The following CNTNAP5 variants were observed in gnomAD, a reference collection of about 807,000 sequenced individuals.
The protein encoded by CNTNAP5 is contactin associated protein family member 5.
Under a neutral mutation model 150.2 loss-of-function variants are expected in CNTNAP5, and 72 were observed. The ratio of observed to expected loss-of-function variants is 0.48; its 90% CI spans 0.40 to 0.58. The LOEUF (loss-of-function observed/expected upper bound fraction) is 0.58, where lower values mean the gene tolerates loss of function less well. Ranked by LOEUF, CNTNAP5 falls within the 20% of genes least tolerant of loss-of-function variation. The pLI is 0.00. For synonymous variants in CNTNAP5, 672 were observed against 619.8 expected, an observed-to-expected ratio of 1.08 and a Z score of -1.25; for missense variants, 1,636 against 1,626.2, an observed-to-expected ratio of 1.01 and a Z score of -0.10.
chr2:124,042,824 A>G (rs1681418224), intron 1 of CNTNAP5, among the ~76,000 whole-genome samples: 1 of 149,694 alleles, frequency 6.7e-6, no homozygotes, highest in Non-Finnish European at 1.5e-5. Flanking sequence ...CTATCTATCT[A>G]TCTATCATCT....
intron 12 of CNTNAP5, 147 bp from the exon 13 acceptor site, chr2:124,647,611 G>A (rs1328182618): frequency 6.1e-6 from 4 of 651,386 alleles, no homozygotes; most frequent in African/African-American, 1.8e-5. Flanking sequence ...AGCTCCATGG[G>A]GAAACACAAT....
At chr2:124,697,193 A>T (rs1232130829) in intron 13 of CNTNAP5, among the ~76,000 whole-genome samples, 1 of 152,152 alleles carries the variant, frequency 6.6e-6, no homozygotes, top group Non-Finnish European at 1.5e-5. Flanking sequence ...TTTCTTCATT[A>T]TTCACATTGT....
At chr2:124,614,381 C>A (rs770501819) in intron 12 of CNTNAP5, among the ~76,000 whole-genome samples, 80 of 152,204 alleles carry the variant, frequency 5.3e-4, no homozygotes, top group Non-Finnish European at 4.6e-4. Context: ...AAAGTTAAAG[C>A]AAGTTTATTA....
intron 1 of CNTNAP5, among the ~76,000 whole-genome samples, chr2:124,097,141 C>A (rs938173229): frequency 4.6e-5 from 7 of 152,166 alleles, no homozygotes; most frequent in African/African-American, 1.7e-4. Flanking sequence ...CATATATTAT[C>A]TCCTCAGATT....
intron 21 of CNTNAP5, among the ~76,000 whole-genome samples, chr2:124,895,504 T>C (rs1277178432): frequency 4.6e-5 from 7 of 151,534 alleles, no homozygotes; most frequent in Non-Finnish European, 1.5e-5. Context: ...CATGTGCCTG[T>C]AGTCCCTGAC....
At chr2:124,340,986 A>G (rs2104691748) in intron 3 of CNTNAP5, among the ~76,000 whole-genome samples, 1 of 151,566 alleles carries the variant, frequency 6.6e-6, no homozygotes, top group East Asian at 2.0e-4. Context: ...TAAGATGGGA[A>G]GACTGCTTCA....
Position 124,863,063 on chromosome 2 carries a change from T to C in CNTNAP5, c.3218-2243T>C, listed in dbSNP as rs376153356. ...GTGGCAAGAGGGATGCCAGCAAACA[T>C]GTATAAAATGAAAGTGTTTTCAAAA... On this transcript the variant is annotated intron_variant, in intron 19 of 23. Coordinates refer to ENST00000682447, the MANE Select transcript of CNTNAP5 (RefSeq NM_001367498.1). Among the ~76,000 whole-genome samples the C allele has an allele frequency of 9.9e-4, 150 of 152,190 alleles. 1 individual carries two copies. Among genetic ancestry groups the C allele is most frequent in the African/African-American group, 3.4e-3 (143 of 41,526 alleles).
At chr2:124,143,890 AC>A (rs1208648913) in intron 1 of CNTNAP5, among the ~76,000 whole-genome samples, 3 of 111,010 alleles carry the variant, frequency 2.7e-5, no homozygotes, top group African/African-American at 1.1e-4. Flanking sequence ...TATCTAGAAA[AC>A]CCCATCATCT....
chr2:124,420,978 T>C (rs1479322025), intron 4 of CNTNAP5, among the ~76,000 whole-genome samples: 1 of 152,212 alleles, frequency 6.6e-6, no homozygotes, highest in East Asian at 1.9e-4. Flanking sequence ...ACACTTAATG[T>C]TTCTTAATTC....
chr2:124,276,781 G>A (rs112652284), intron 3 of CNTNAP5, among the ~76,000 whole-genome samples: 146 of 152,264 alleles, frequency 9.6e-4, no homozygotes, highest in African/African-American at 3.4e-3. Flanking sequence ...ATAGACAAAT[G>A]AGTGTGCACC....
At chr2:124,510,348 AACACACACACAC>A (rs3039130) in intron 8 of CNTNAP5, among the ~76,000 whole-genome samples, 6 of 68,288 alleles carry the variant, frequency 8.8e-5, no homozygotes, top group East Asian at 7.9e-4. Flanking sequence ...TCCATATGTC[AACACACACACAC>A]ACACACACAC....
At chr2:124,340,060 A>T (rs531596235) in intron 3 of CNTNAP5, among the ~76,000 whole-genome samples, 1 of 152,228 alleles carries the variant, frequency 6.6e-6, no homozygotes, top group South Asian at 2.1e-4. Context: ...GATTATAGGA[A>T]GTATGTCCAC....
intron 3 of CNTNAP5, among the ~76,000 whole-genome samples, chr2:124,269,043 G>T (rs754062955): frequency 6.6e-6 from 1 of 152,094 alleles, no homozygotes; most frequent in Admixed American, 6.5e-5. Flanking sequence ...AAAGCAGGAA[G>T]CCCAGGAGAG....
At chr2:124,037,998 T>G (rs755021298) in intron 1 of CNTNAP5, among the ~76,000 whole-genome samples, 1 of 152,228 alleles carries the variant, frequency 6.6e-6, no homozygotes, top group Non-Finnish European at 1.5e-5. Context: ...AATTATTGGA[T>G]GCATTCAGAT....
intron 10 of CNTNAP5, among the ~76,000 whole-genome samples, chr2:124,562,946 T>A (rs892319062): frequency 3.9e-5 from 6 of 152,240 alleles, no homozygotes; most frequent in African/African-American, 1.4e-4. Context: ...TAAGTCAACA[T>A]GAATTTGCCT....
At chr2:124,112,132 T>C (rs7577916) in intron 1 of CNTNAP5, among the ~76,000 whole-genome samples, 92,130 of 152,096 alleles carry the variant, frequency 0.61, 28,399 homozygotes, top group South Asian at 0.67. Flanking sequence ...CAGGCTTGTA[T>C]AGAAATCTGG....
At chr2:124,112,944 A>C (rs1683332577) in intron 1 of CNTNAP5, among the ~76,000 whole-genome samples, 1 of 152,164 alleles carries the variant, frequency 6.6e-6, no homozygotes, top group South Asian at 2.1e-4. Context: ...TCCACACAAA[A>C]CCAAAATAAG....
chr2:124,509,598 G>A (rs1375189489), intron 8 of CNTNAP5, among the ~76,000 whole-genome samples: 3 of 152,178 alleles, frequency 2.0e-5, no homozygotes, highest in South Asian at 4.1e-4. Flanking sequence ...ATGAATTTAA[G>A]TTAAAGTAGC....
At chr2:124,357,383 T>C (rs954426665) in intron 3 of CNTNAP5, among the ~76,000 whole-genome samples, 81 of 152,134 alleles carry the variant, frequency 5.3e-4, no homozygotes, top group African/African-American at 1.9e-3. Context: ...TCCTTGCCCA[T>C]GCCTATGTCC....
Sources: allele counts gnomAD v4.1 joint callset (sites outside exome capture counted in the v4.1 genomes callset), GRCh38; gene constraint gnomAD v4.1.1; transcripts MANE v1.5; gene names NCBI Gene and HGNC (gene_info 2026-07-23, HGNC 2026-07-21).